Variants in REC114 observed in about 807,000 individuals in gnomAD.
The protein encoded by REC114 is REC114 meiotic recombination protein, also known as meiotic recombination protein REC114.
A neutral mutation model predicts 31.3 loss-of-function variants in REC114; 27 were observed. The ratio of observed to expected loss-of-function variants is 0.86; its 90% CI spans 0.64 to 1.19. The LOEUF (loss-of-function observed/expected upper bound fraction) is 1.19, where lower values mean the gene tolerates loss of function less well. REC114 is among the 50% of genes most tolerant of loss of function. The pLI, the probability that REC114 is intolerant of heterozygous loss-of-function variation, is 0.00. For synonymous variants in REC114, 134 were observed against 127.7 expected (o/e 1.05, Z -0.33); for missense variants, 344 against 326.9 (o/e 1.05, Z -0.40).
intron 1 of REC114, among the ~76,000 whole-genome samples, chr15:73,453,911 T>C (rs1476616325): frequency 5.3e-5 from 8 of 150,046 alleles, no homozygotes; most frequent in Non-Finnish European, 5.9e-5. Context: ...TAAGTGGGAA[T>C]TGAACAATGA....
chr15:73,559,247 TCA>T lies in REC114; in HGVS notation c.637-502_637-501del, dbSNP rs534901536. ...CAGTTACACGACTATTTGTCAAAAC[TCA>T]CAGATGGCCAGAAAAAGATGCGTGT... On this transcript the variant is annotated intron_variant, in intron 5 of 5. Coordinates refer to ENST00000331090, the MANE Select transcript of REC114 (RefSeq NM_001042367.2). Among the ~76,000 whole-genome samples, 5 of 152,302 alleles carry T rather than the reference TCA, an allele frequency of 3.3e-5. No individual in the cohort carries two copies. In the South Asian group the frequency reaches 8.3e-4, roughly 25 times the overall value.
intron 3 of REC114, among the ~76,000 whole-genome samples, chr15:73,548,606 A>C (rs1380379090): frequency 6.6e-6 from 1 of 152,206 alleles, no homozygotes; most frequent in Non-Finnish European, 1.5e-5. Flanking sequence ...GTGGGAGTGT[A>C]AATTAGGTCA....
chr15:73,510,393 G>A (rs1477018660), intron 2 of REC114, among the ~76,000 whole-genome samples: 1 of 152,048 alleles, frequency 6.6e-6, no homozygotes, highest in Non-Finnish European at 1.5e-5. Context: ...TGCAAACAGG[G>A]ACAATTTGGC....
intron 2 of REC114, among the ~76,000 whole-genome samples, chr15:73,504,121 C>T (rs143542085): frequency 0.044 from 6,630 of 149,940 alleles, 255 homozygotes; most frequent in African/African-American, 0.1. Flanking sequence ...ATTCTCCTGC[C>T]TCAGTCTCCT....
chr15:73,512,870 C>T (rs1893793515), intron 2 of REC114, among the ~76,000 whole-genome samples: 1 of 149,886 alleles, frequency 6.7e-6, no homozygotes, highest in Admixed American at 6.6e-5. Flanking sequence ...CTCTGGCTGC[C>T]CTTAACATTT....
chr15:73,556,170 G>A (rs1439377432), intron 4 of REC114, 132 bp from the exon 5 acceptor site: 2 of 737,388 alleles, frequency 2.7e-6, no homozygotes, highest in Admixed American at 2.8e-5. Flanking sequence ...GACCTATGCT[G>A]ACAACCATTT....
rs1474352305 is a variant in REC114, at chr15:73,457,710, A to G, written c.159+14366A>G. On this transcript the variant is annotated intron_variant, in intron 1 of 5. Transcript: ENST00000331090. ...CAGTTTTTTATTTCATTTAGGAGGT[A>G]TGAAATAACCTGTTAAGGAGGTACT... 6.6e-5 allele frequency among the ~76,000 whole-genome samples: 10 copies of G among 152,334 alleles called. No individual in the cohort carries two copies. The East Asian group carries it at 1.9e-3, about 29-fold the overall frequency.
chr15:73,497,984 C>T (rs890655031), intron 2 of REC114, among the ~76,000 whole-genome samples: 11 of 152,116 alleles, frequency 7.2e-5, no homozygotes, highest in African/African-American at 2.7e-4. Flanking sequence ...TTTGAAAATT[C>T]CCTTGTTTCA....
intron 3 of REC114, among the ~76,000 whole-genome samples, chr15:73,542,540 C>T (rs139536505): frequency 0.01 from 1,580 of 152,106 alleles, 17 homozygotes; most frequent in Non-Finnish European, 0.017. Flanking sequence ...AAAGCATCCA[C>T]TTTCCTATAT....
At chr15:73,493,576 G>A (rs372305926) in intron 2 of REC114, among the ~76,000 whole-genome samples, 1 of 152,048 alleles carries the variant, frequency 6.6e-6, no homozygotes, top group Non-Finnish European at 1.5e-5. Context: ...AGGCCTGAGG[G>A]TGGATTCATC....
rs967311363 is a variant in REC114, at chr15:73,496,378, A to G, written c.249+22457A>G. Among the ~76,000 whole-genome samples, 993 of 147,696 alleles carry G rather than the reference A, an allele frequency of 6.7e-3. 21 individuals are homozygous for G. Among genetic ancestry groups the G allele is most frequent in the African/African-American group, 0.023 (927 of 39,608 alleles). ...AAAAAAAAAAAAAAAAAAAAAAAAA[A>G]GTTGCAAAAGTAGGCCGAGCGCGTA... On this transcript the variant is annotated intron_variant, in intron 2 of 5. Transcript: ENST00000331090.
intron 2 of REC114, among the ~76,000 whole-genome samples, chr15:73,536,747 A>G (rs979374964): frequency 4.6e-5 from 7 of 152,222 alleles, no homozygotes; most frequent in Non-Finnish European, 7.3e-5. Context: ...AATTTTGAAC[A>G]TTAGCATAAG....
At chr15:73,471,557 G>A (rs372017187) in intron 1 of REC114, among the ~76,000 whole-genome samples, 29 of 152,216 alleles carry the variant, frequency 1.9e-4, no homozygotes, top group African/African-American at 6.7e-4. Context: ...CCTTTACATG[G>A]AGATGTTGAT....
intron 1 of REC114, among the ~76,000 whole-genome samples, chr15:73,470,916 G>C (rs1893125142): frequency 6.6e-6 from 1 of 152,180 alleles, no homozygotes; most frequent in Non-Finnish European, 1.5e-5. Context: ...AGTGTGCCTA[G>C]TGGGTTCAGG....
chr15:73,538,043 T>C (rs1894182546), intron 2 of REC114, among the ~76,000 whole-genome samples: 1 of 152,236 alleles, frequency 6.6e-6, no homozygotes, highest in Non-Finnish European at 1.5e-5. Context: ...GTAGGAGTCA[T>C]ATGTGGCTGT....
intron 2 of REC114, among the ~76,000 whole-genome samples, chr15:73,528,817 C>G (rs917758688): frequency 2.0e-5 from 3 of 151,896 alleles, no homozygotes; most frequent in Non-Finnish European, 2.9e-5. Context: ...ACTCACTGGC[C>G]CTTAACAACA....
intron 2 of REC114, among the ~76,000 whole-genome samples, chr15:73,487,099 A>C (rs1893381561): frequency 6.6e-6 from 1 of 152,080 alleles, no homozygotes; most frequent in African/African-American, 2.4e-5. Context: ...TGCCCTCATG[A>C]CTTAATCACC....
At chr15:73,492,378 A>G (rs1383356160) in intron 2 of REC114, among the ~76,000 whole-genome samples, 4 of 152,164 alleles carry the variant, frequency 2.6e-5, no homozygotes, top group African/African-American at 9.7e-5. Flanking sequence ...AATATATAAC[A>G]ATCTATCCAT....
At chr15:73,490,716 T>C (rs923986540) in intron 2 of REC114, among the ~76,000 whole-genome samples, 1 of 152,102 alleles carries the variant, frequency 6.6e-6, no homozygotes. Context: ...AATGTATATA[T>C]ATAATATACT....
Sources: gnomAD v4.1 joint callset for allele counts (sites outside exome capture counted in the v4.1 genomes callset) on GRCh38, gnomAD v4.1.1 for gene constraint, MANE v1.5 for transcripts, NCBI Gene and HGNC (gene_info 2026-07-23, HGNC 2026-07-21) for gene names.